The following ITPRIP variants were observed in gnomAD, a reference collection of about 807,000 sequenced individuals.
The protein encoded by ITPRIP is inositol 1,4,5-trisphosphate receptor-interacting protein.
ITPRIP carries 32 observed loss-of-function variants against 35.8 expected under a neutral mutation model. The observed-to-expected ratio is 0.89, with a 90% CI of 0.68 to 1.20. The LOEUF (loss-of-function observed/expected upper bound fraction) is 1.20, where lower values mean the gene tolerates loss of function less well. ITPRIP is among the 50% of genes most tolerant of loss of function. ITPRIP has a pLI of 0.00. For synonymous variants in ITPRIP, 358 were observed against 324.0 expected (o/e 1.11, Z -1.13); for missense variants, 653 against 735.6 (o/e 0.89, Z 1.30).
rs373055488 is a variant in ITPRIP at position 104,312,405 on chromosome 10, C to A, written c.*2003G>T. 1.8e-5 allele frequency: 3 copies of A among 169,958 alleles called. No homozygotes were observed. The highest frequency in any genetic ancestry group is 1.9e-4 in the East Asian group (1 of 5,274). The allele number at this position is 169,958 out of a possible 1,614,324, so 10.5% of individuals were successfully genotyped here. A position where few individuals can be genotyped will look rare whatever the true frequency, so the allele number is the denominator to read the frequency against. ...TTTGGTTACTGGGGTCTCTTCAAAG[C>A]AAAACGGGATCAGGATGAAGAGGGG... On this transcript the variant is annotated 3_prime_UTR_variant, in exon 2 of 2. Transcript: ENST00000337478.
At chr10:104,319,387 C>T (rs973671730) in intron 1 of ITPRIP, among the ~76,000 whole-genome samples, 2 of 152,156 alleles carry the variant, frequency 1.3e-5, no homozygotes, top group Admixed American at 6.5e-5. Context: ...AGTAAACACA[C>T]GCTCGAAAGT....
Position 104,315,742 on chromosome 10 carries a change from G to C in ITPRIP, c.310C>G (p.Arg104Gly), listed in dbSNP as rs114174365. 6.2e-7 allele frequency: 1 copy of C among 1,613,804 alleles called. No homozygotes were observed. The highest frequency in any genetic ancestry group is 2.2e-5 in the East Asian group (1 of 44,866). ...MILFLMIEVW[R>G]QDHQEGPSPE... ...GAGGGCCCCTCCTGGTGGTCCTGCCGCCACACCTCGATCATCAGGAAGAGG... is the reference window on the plus strand; with the variant it reads ...GAGGGCCCCTCCTGGTGGTCCTGCCCCCACACCTCGATCATCAGGAAGAGG... The change falls in exon 2 of 2, where the codon CGG (arginine) becomes GGG (glycine). Residue 104 changes from arginine to glycine, a missense_variant. Transcript: ENST00000337478. The surrounding 1 kb of genome is among the most constrained non-coding windows in gnomAD (Gnocchi z 5.7).
chr10:104,314,975 C>G lies in ITPRIP; in HGVS notation c.1077G>C (p.Leu359=), dbSNP rs779889510. The G allele has an allele frequency of 1.9e-6, 3 of 1,613,962 alleles. No homozygotes were observed. Among genetic ancestry groups the G allele is most frequent in the Non-Finnish European group, 1.7e-6 (2 of 1,180,036 alleles). ...CCCTGGGAAGGTGGGAGACAAAGTA[C>G]AGGTCCGAGTCATCACACTGGATCA... ...IPVIQCDDSD[L]YFVSHLPREP... Residue 359 remains leucine (L), a synonymous_variant, in exon 2 of 2, where the codon CTG becomes CTC. Transcript: ENST00000337478.
chr10:104,319,175 T>C (rs2013776460), intron 1 of ITPRIP, among the ~76,000 whole-genome samples: 2 of 152,248 alleles, frequency 1.3e-5, no homozygotes, highest in African/African-American at 2.4e-5. Context: ...GCACAGCTTC[T>C]GCGCTCCCAC....
At chr10:104,318,487 A>G (rs1403221127) in intron 1 of ITPRIP, among the ~76,000 whole-genome samples, 2 of 152,218 alleles carry the variant, frequency 1.3e-5, no homozygotes, top group Non-Finnish European at 2.9e-5. Context: ...AACTCAGTGC[A>G]GGATGCCACG....
intron 1 of ITPRIP, among the ~76,000 whole-genome samples, chr10:104,319,335 C>A (rs1021589098): frequency 6.6e-6 from 1 of 152,222 alleles, no homozygotes; most frequent in Non-Finnish European, 1.5e-5. Flanking sequence ...TGCTTTCTCA[C>A]CTGCTGAGCA....
At position 104,333,507 on chromosome 10, in the gene ITPRIP, TAGA is replaced by T. The variant is rs2014189633; in HGVS notation, c.-14+4736_-14+4738del. 6.6e-6 allele frequency: 1 copy of T among 152,300 alleles called. No individual in the cohort carries two copies. Among genetic ancestry groups the T allele is most frequent in the South Asian group, 2.1e-4 (1 of 4,816 alleles). The allele number at this position is 152,300 out of a possible 1,614,324, so 9.4% of individuals were successfully genotyped here. Reference sequence around the variant, plus strand: ...GATGTCACGGGGTGGGCCTAACAGATAGAGGGGGGATGTGCTCTCTGTGGGGAA... The same window carrying T: ...GATGTCACGGGGTGGGCCTAACAGATGGGGGGATGTGCTCTCTGTGGGGAA... On this transcript the variant is annotated intron_variant, in intron 1 of 1. Coordinates refer to ENST00000337478, the MANE Select transcript of ITPRIP (RefSeq NM_001272013.2). The surrounding 1 kb of genome is among the most constrained non-coding windows in gnomAD (Gnocchi z 4.1).
intron 1 of ITPRIP, among the ~76,000 whole-genome samples, chr10:104,319,692 A>G (rs948431366): frequency 2.2e-4 from 33 of 152,138 alleles, no homozygotes; most frequent in Admixed American, 8.5e-4. Context: ...GGCCCACCAG[A>G]TGGGGTTCAG....
intron 1 of ITPRIP, among the ~76,000 whole-genome samples, chr10:104,330,483 A>G (rs1399284942): frequency 6.6e-6 from 1 of 152,208 alleles, no homozygotes; most frequent in Non-Finnish European, 1.5e-5. Context: ...AACGTTTAGA[A>G]AATGGCCCAG....
At chr10:104,322,530 A>G (rs997692748) in intron 1 of ITPRIP, among the ~76,000 whole-genome samples, 7 of 152,218 alleles carry the variant, frequency 4.6e-5, no homozygotes, top group African/African-American at 1.7e-4. Context: ...CTGTGTCTCA[A>G]CAAGCCCTCT....
At position 104,314,311 on chromosome 10, in the gene ITPRIP, C is replaced by G; in HGVS notation, c.*97G>C. On this transcript the variant is annotated 3_prime_UTR_variant, in exon 2 of 2. Transcript: ENST00000337478. ...TGAGCACGGCTCCCACGAAAGCCCGCCTTGTCCCCAGAACAGGGCTGGCAG... is the reference window on the plus strand; with the variant it reads ...TGAGCACGGCTCCCACGAAAGCCCGGCTTGTCCCCAGAACAGGGCTGGCAG... 1 of 1,516,434 alleles carries G rather than the reference C, an allele frequency of 6.6e-7. No homozygotes were observed. 93.9% of individuals were successfully genotyped at this position (1,516,434 alleles called of 1,614,324 possible). A position where few individuals can be genotyped will look rare whatever the true frequency, so the allele number is the denominator to read the frequency against.
chr10:104,319,410 C>T (rs1228100751), intron 1 of ITPRIP, among the ~76,000 whole-genome samples: 2 of 152,186 alleles, frequency 1.3e-5, no homozygotes, highest in Admixed American at 6.5e-5. Context: ...TCTGAAAGCA[C>T]AAGATGTTCC....
chr10:104,336,253 C>A (rs997510503), intron 1 of ITPRIP, among the ~76,000 whole-genome samples: 1 of 152,152 alleles, frequency 6.6e-6, no homozygotes, highest in Non-Finnish European at 1.5e-5. Context: ...TGGCTCTGTA[C>A]CCCTCCCCAG....
rs2013529504 is a variant in ITPRIP, at chr10:104,313,132, G to C, written c.*1276C>G. 1.0e-6 allele frequency: 1 copy of C among 985,400 alleles called. No individual in the cohort carries two copies. The highest frequency in any genetic ancestry group is 1.1e-4 in the East Asian group (1 of 8,810). 61.0% of individuals were successfully genotyped at this position (985,400 alleles called of 1,614,324 possible). ...GGAGCCCCGCTGGAGTGAGGAACTA[G>C]GGGCTCAGAGCCTGCAGACTGGAGC... On this transcript the variant is annotated 3_prime_UTR_variant, in exon 2 of 2. Transcript: ENST00000337478.
At chr10:104,337,933 G>A (rs971537487) in intron 1 of ITPRIP, among the ~76,000 whole-genome samples, 14 of 152,220 alleles carry the variant, frequency 9.2e-5, no homozygotes, top group Non-Finnish European at 2.9e-5. Context: ...CCCGCTCTGG[G>A]CTCCGAGGCT....
rs541509511 is a variant in ITPRIP, at chr10:104,314,606, G to C, written c.1446C>G (p.Arg482=). Residue 482 remains arginine, a synonymous_variant, in exon 2 of 2, where the codon CGC becomes CGG. Transcript: ENST00000337478. ...GGAGTCCCATGGCCTCAGGCACCTT[G>C]CGGTTGCCGATGAAGAAGTGGTGGA... ...KKLHHFFIGN[R]KVPEAMGLPE... is the part of the protein sequence containing the mutation. 128 of 1,614,190 alleles carry C rather than the reference G, an allele frequency of 7.9e-5. No individual in the cohort carries two copies. The South Asian group carries it at 1.2e-3, about 16-fold the overall frequency.
chr10:104,320,439 C>G (rs954085507), intron 1 of ITPRIP, among the ~76,000 whole-genome samples: 2 of 152,110 alleles, frequency 1.3e-5, no homozygotes, highest in African/African-American at 4.8e-5. Context: ...CACCTATGAC[C>G]AGGAAGCCAC....
intron 1 of ITPRIP, among the ~76,000 whole-genome samples, chr10:104,324,658 G>A (rs1364556171): frequency 6.6e-6 from 1 of 151,992 alleles, no homozygotes; most frequent in Non-Finnish European, 1.5e-5. Context: ...CACCTGTCTC[G>A]AGGACCCGGG....
At chr10:104,320,023 AT>A (rs2013804152) in intron 1 of ITPRIP, among the ~76,000 whole-genome samples, 2 of 152,080 alleles carry the variant, frequency 1.3e-5, no homozygotes, top group Non-Finnish European at 2.9e-5. Flanking sequence ...AAATCAAAGT[AT>A]TTTACCCCAA....
Sources: gnomAD v4.1 joint callset for allele counts (sites outside exome capture counted in the v4.1 genomes callset) on GRCh38, gnomAD v4.1.1 for gene constraint, Gnocchi (gnomAD v3.1) non-coding constraint, MANE v1.5 for transcripts, NCBI Gene and HGNC (gene_info 2026-07-23, HGNC 2026-07-21) for gene names.